AGPAT4: variants seen among roughly 807,000 people sequenced by gnomAD.
AGPAT4 encodes the protein 1-acylglycerol-3-phosphate O-acyltransferase 4, also known as 1-acyl-sn-glycerol-3-phosphate acyltransferase delta.
In AGPAT4, 15 loss-of-function variants were observed where a neutral mutation model predicts 48.0. The ratio of observed to expected loss-of-function variants is 0.31; its 90% confidence interval spans 0.21 to 0.48. The LOEUF is 0.48. AGPAT4 is among the 20% of genes least tolerant of loss of function. AGPAT4 has a pLI of 0.99. For synonymous variants in AGPAT4, 178 were observed against 198.7 expected (o/e 0.90, Z 0.88); for missense variants, 314 against 482.5 (o/e 0.65, Z 3.27).
chr6:161,152,271 AAGGGC>A (rs1180665717), intron 5 of AGPAT4, among the ~76,000 whole-genome samples: 1 of 149,394 alleles, frequency 6.7e-6, no homozygotes, highest in Non-Finnish European at 1.5e-5. Flanking sequence ...TAACAGGGCT[AAGGGC>A]AGGGCAGGCA....
At position 161,198,389 on chromosome 6, in the gene AGPAT4, T is replaced by C. The variant is rs560230291; in HGVS notation, c.179-31972A>G. ...GTCACGGTTTGGAAGGGGGATGCTA[T>C]TCATTAAGGGTAGGAGCCAGAGATG... On this transcript the variant is annotated intron_variant, in intron 2 of 8. Transcript: ENST00000320285. The surrounding 1 kb of genome is among the most constrained non-coding windows in gnomAD (Gnocchi z 4.3). 6.6e-6 allele frequency among the ~76,000 whole-genome samples: 1 copy of C among 152,310 alleles called. No individual in the cohort carries two copies. The highest frequency in any genetic ancestry group is 2.1e-4 in the South Asian group (1 of 4,826).
intron 1 of AGPAT4, among the ~76,000 whole-genome samples, chr6:161,253,532 G>C (rs1171004270): frequency 6.6e-6 from 1 of 151,580 alleles, no homozygotes; most frequent in Non-Finnish European, 1.5e-5. Context: ...GGGATTACAG[G>C]CATGAGCCAC....
At chr6:161,151,554 CA>C (rs1437712350) in intron 5 of AGPAT4, among the ~76,000 whole-genome samples, 1 of 152,220 alleles carries the variant, frequency 6.6e-6, no homozygotes, top group African/African-American at 2.4e-5. Flanking sequence ...CAGTGGGAGG[CA>C]GGGGGCCCCT....
Position 161,149,069 on chromosome 6 carries a change from G to C in AGPAT4, c.767+118C>G. The C allele has an allele frequency of 2.2e-6, 3 of 1,335,226 alleles. No individual in the cohort carries two copies. The highest frequency in any genetic ancestry group is 3.0e-6 in the Non-Finnish European group (3 of 1,002,672). The allele number at this position is 1,335,226 out of a possible 1,614,324, so 82.7% of individuals were successfully genotyped here. ...GATGTGTCAAATTCAATGCAAAACA[G>C]ACTGCAAAGAAGTCAGTGTGACCCA... On this transcript the variant is annotated intron_variant, in intron 6 of 8. Transcript: ENST00000320285. The surrounding 1 kb of genome is among the most constrained non-coding windows in gnomAD (Gnocchi z 6.5).
intron 2 of AGPAT4, among the ~76,000 whole-genome samples, chr6:161,170,208 C>A (rs977593035): frequency 1.3e-5 from 2 of 152,162 alleles, no homozygotes; most frequent in Non-Finnish European, 2.9e-5. Context: ...CTGTGGACTG[C>A]AAGCTCCAGC....
At position 161,137,167 on chromosome 6, in the gene AGPAT4, C is replaced by G. The variant is rs1779093622; in HGVS notation, c.1043-533G>C. ...GGATTTGCCTACACCAGAGAATGGG[C>G]AGGACCCTCGTGGGAGCCCAGTTTA... On this transcript the variant is annotated intron_variant, in intron 8 of 8. Coordinates refer to ENST00000320285, the MANE Select transcript of AGPAT4 (RefSeq NM_020133.3). This position sits in a 1 kb window ranked among gnomAD's most constrained non-coding sequence, Gnocchi z 6.1. Among the ~76,000 whole-genome samples, 1 of 152,176 alleles carries G rather than the reference C, an allele frequency of 6.6e-6. No individual in the cohort carries two copies. The highest frequency in any genetic ancestry group is 2.4e-5 in the African/African-American group (1 of 41,446).
chr6:161,139,007 C>T lies in AGPAT4; in HGVS notation c.1042+415G>A, dbSNP rs1289027259. On this transcript the variant is annotated intron_variant, in intron 8 of 8. Coordinates refer to ENST00000320285, the MANE Select transcript of AGPAT4 (RefSeq NM_020133.3). The surrounding 1 kb of genome is among the most constrained non-coding windows in gnomAD (Gnocchi z 9.1). ...CCTGCAGCAAAGGAGAAGCCACAGG[C>T]GCCCCCAGAGGAAGGCAGGGAGCTG... Among the ~76,000 whole-genome samples, 1 of 152,224 alleles carries T rather than the reference C, an allele frequency of 6.6e-6. No individual in the cohort carries two copies. Among genetic ancestry groups the T allele is most frequent in the East Asian group, 1.9e-4 (1 of 5,188 alleles).
At chr6:161,205,145 C>T (rs16892294) in intron 2 of AGPAT4, among the ~76,000 whole-genome samples, 18,335 of 152,114 alleles carry the variant, frequency 0.12, 1,589 homozygotes, top group East Asian at 0.27. Flanking sequence ...TTCTCTGGCA[C>T]GACTGATCCT....
intron 2 of AGPAT4, among the ~76,000 whole-genome samples, chr6:161,170,619 A>T (rs1780243996): frequency 6.6e-6 from 1 of 152,056 alleles, no homozygotes; most frequent in South Asian, 2.1e-4. Flanking sequence ...ATCTCCATGA[A>T]TTTAGGTTTC....
chr6:161,165,812 C>A lies in AGPAT4; in HGVS notation c.348+436G>T. The A allele has an allele frequency of 1.7e-6, 1 of 587,980 alleles. No individual in the cohort carries two copies. The highest frequency in any genetic ancestry group is 2.3e-5 in the Admixed American group (1 of 43,646). 36.4% of individuals were successfully genotyped at this position (587,980 alleles called of 1,614,324 possible). A position where few individuals can be genotyped will look rare whatever the true frequency, so the allele number is the denominator to read the frequency against. ...TCAAAGTTCTTAAGCCTTCAACGAT[C>A]AAAATGCAGAGGTGATGTCTGCCTG... On this transcript the variant is annotated intron_variant, in intron 3 of 8. Transcript: ENST00000320285. The surrounding 1 kb of genome is among the most constrained non-coding windows in gnomAD (Gnocchi z 5.5).
In AGPAT4 at chr6:161,198,369, G is replaced by A. The variant is rs540217692; in HGVS notation, c.179-31952C>T. 1.2e-4 allele frequency among the ~76,000 whole-genome samples: 19 copies of A among 152,296 alleles called. No homozygotes were observed. The highest frequency in any genetic ancestry group is 3.9e-4 in the East Asian group (2 of 5,190). ...GTCTGGAGACATTTTTCATTGTCAC[G>A]GTTTGGAAGGGGGATGCTATTCATT... is the stretch of plus-strand genomic sequence containing the variant. On this transcript the variant is annotated intron_variant, in intron 2 of 8. Transcript: ENST00000320285. This position sits in a 1 kb window ranked among gnomAD's most constrained non-coding sequence, Gnocchi z 4.3.
chr6:161,224,305 G>T (rs1006875984), intron 2 of AGPAT4, among the ~76,000 whole-genome samples: 3 of 152,126 alleles, frequency 2.0e-5, no homozygotes, highest in African/African-American at 7.2e-5. Context: ...TATAACATGT[G>T]GCAAGTAGAA....
Position 161,180,774 on chromosome 6 carries a change from T to C in AGPAT4, c.179-14357A>G, listed in dbSNP as rs1780560271. ...TAAGGAGGCTTGGGAGACAGGACGG[T>C]GCCTTCACACTCACAACACCCTCAC... On this transcript the variant is annotated intron_variant, in intron 2 of 8. Coordinates refer to ENST00000320285, the MANE Select transcript of AGPAT4 (RefSeq NM_020133.3). This position sits in a 1 kb window ranked among gnomAD's most constrained non-coding sequence, Gnocchi z 6.4. Among the ~76,000 whole-genome samples the C allele has an allele frequency of 6.6e-6, 1 of 152,092 alleles. No homozygotes were observed. Among genetic ancestry groups the C allele is most frequent in the Non-Finnish European group, 1.5e-5 (1 of 68,018 alleles).
chr6:161,164,767 G>A lies in AGPAT4; in HGVS notation c.348+1481C>T, dbSNP rs906221322. Among the ~76,000 whole-genome samples the A allele has an allele frequency of 3.9e-5, 6 of 152,200 alleles. No homozygotes were observed. The highest frequency in any genetic ancestry group is 1.4e-4 in the African/African-American group (6 of 41,450). ...TGCCACCAAGGGGCAAGCAGGGATT[G>A]GAAGGCACCCCCAAGTTCAATGGGC... On this transcript the variant is annotated intron_variant, in intron 3 of 8. Transcript: ENST00000320285. The surrounding 1 kb of genome is among the most constrained non-coding windows in gnomAD (Gnocchi z 7.4).
At position 161,206,168 on chromosome 6, in the gene AGPAT4, C is replaced by T. The variant is rs1781374112; in HGVS notation, c.178+25868G>A. Among the ~76,000 whole-genome samples the T allele has an allele frequency of 6.6e-6, 1 of 152,142 alleles. No individual in the cohort carries two copies. Among genetic ancestry groups the T allele is most frequent in the Non-Finnish European group, 1.5e-5 (1 of 68,032 alleles). ...CGAAAACCTCTAGACAGTAACTGCC[C>T]TACACCAACCGAACTCATGGAAAAA... On this transcript the variant is annotated intron_variant, in intron 2 of 8. Transcript: ENST00000320285. The surrounding 1 kb of genome is among the most constrained non-coding windows in gnomAD (Gnocchi z 4.8).
Position 161,146,668 on chromosome 6 carries a change from G to A in AGPAT4, c.768-69C>T, listed in dbSNP as rs779725287. ...CCTACAACATACAGTTTCCAGTAAC[G>A]GTGCTGCCGTTTTTTGTTTTTATCT... On this transcript the variant is annotated intron_variant, in intron 6 of 8. Coordinates refer to ENST00000320285, the MANE Select transcript of AGPAT4 (RefSeq NM_020133.3). The surrounding 1 kb of genome is among the most constrained non-coding windows in gnomAD (Gnocchi z 7.1). 42 of 1,475,482 alleles carry A rather than the reference G, an allele frequency of 2.8e-5. No homozygotes were observed. Among genetic ancestry groups the A allele is most frequent in the South Asian group, 3.4e-5 (3 of 87,110 alleles). 91.4% of individuals were successfully genotyped at this position (1,475,482 alleles called of 1,614,324 possible).
In AGPAT4 at chr6:161,130,525, T is replaced by A. The variant is rs965529138; in HGVS notation, c.*6015A>T. The A allele has an allele frequency of 1.1e-5, 2 of 180,506 alleles. No homozygotes were observed. The highest frequency in any genetic ancestry group is 1.1e-4 in the Admixed American group (2 of 18,166). The allele number at this position is 180,506 out of a possible 1,614,324, so 11.2% of individuals were successfully genotyped here. A position where few individuals can be genotyped will look rare whatever the true frequency, so the allele number is the denominator to read the frequency against. The stretch of plus-strand genomic sequence containing the variant: ...CAGTAATCATGAACCCTGGGTACAA[T>A]TGATACAGGCTGAGAAGTAAGAATT... On this transcript the variant is annotated 3_prime_UTR_variant, in exon 9 of 9. Coordinates refer to ENST00000320285, the MANE Select transcript of AGPAT4 (RefSeq NM_020133.3).
rs1030235707 is a variant in AGPAT4, at chr6:161,149,554, T to C, written c.665-265A>G. On this transcript the variant is annotated intron_variant, in intron 5 of 8. Transcript: ENST00000320285. This position sits in a 1 kb window ranked among gnomAD's most constrained non-coding sequence, Gnocchi z 6.5. ...TCATTTTTTTCTTTTCTTTCTTTTCTTTTTTTTTGGAGATGGAGTCTCACT... is the reference window on the plus strand; with the variant it reads ...TCATTTTTTTCTTTTCTTTCTTTTCCTTTTTTTTGGAGATGGAGTCTCACT... 3.4e-5 allele frequency among the ~76,000 whole-genome samples: 5 copies of C among 148,406 alleles called. No individual in the cohort carries two copies. Among genetic ancestry groups the C allele is most frequent in the Non-Finnish European group, 5.9e-5 (4 of 67,782 alleles).
rs7742683 is a variant in AGPAT4, at chr6:161,244,706, A to G, written c.-89-12404T>C. ...CATCTCCGATCCAGTAAAGCCGACA[A>G]GGGTGCACACATCTCTCCCTTTGGT... On this transcript the variant is annotated intron_variant, in intron 1 of 8. Coordinates refer to ENST00000320285, the MANE Select transcript of AGPAT4 (RefSeq NM_020133.3). The surrounding 1 kb of genome is among the most constrained non-coding windows in gnomAD (Gnocchi z 4.7). Among the ~76,000 whole-genome samples the G allele has an allele frequency of 0.075, 11,466 of 152,166 alleles. 1,297 individuals are homozygous for G. The highest frequency in any genetic ancestry group is 0.25 in the African/African-American group (10,209 of 41,418).
Sources: gnomAD v4.1 joint callset for allele counts (sites outside exome capture counted in the v4.1 genomes callset) on GRCh38, gnomAD v4.1.1 for gene constraint, Gnocchi (gnomAD v3.1) non-coding constraint, MANE v1.5 for transcripts, NCBI Gene and HGNC (gene_info 2026-07-23, HGNC 2026-07-21) for gene names.